The following DCC variants were observed in gnomAD, a reference collection of about 807,000 sequenced individuals.
The protein encoded by DCC is netrin receptor DCC.
Under a neutral mutation model 172.5 loss-of-function variants are expected in DCC, and 58 were observed. The ratio of observed to expected loss-of-function variants is 0.34; its 90% confidence interval spans 0.27 to 0.42. The LOEUF is 0.42. DCC is among the 10% of genes least tolerant of loss of function. DCC has a pLI of 1.00. For synonymous variants in DCC, 709 were observed against 644.5 expected (o/e 1.10, Z -1.52); for missense variants, 1,740 against 1,791.0 (o/e 0.97, Z 0.51).
At chr18:52,393,901 G>T (rs558787981) in intron 1 of DCC, among the ~76,000 whole-genome samples, 9 of 152,094 alleles carry the variant, frequency 5.9e-5, no homozygotes, top group African/African-American at 1.9e-4. Flanking sequence ...TCAGATTCAG[G>T]TTCCATGATT....
chr18:53,305,868 A>G, intron 13 of DCC, 149 bp downstream of exon 13: 4 of 749,474 alleles, frequency 5.3e-6, no homozygotes, highest in South Asian at 3.2e-5. Flanking sequence ...CAACCTTTAT[A>G]TTTTTAACTT....
chr18:53,035,180 G>GTT (rs538487527), intron 5 of DCC, among the ~76,000 whole-genome samples: 5 of 151,896 alleles, frequency 3.3e-5, no homozygotes, highest in African/African-American at 9.7e-5. Flanking sequence ...GTGTGTGTGT[G>GTT]TGTGAATTTT....
At chr18:53,438,489 A>G (rs757651056) in intron 22 of DCC, among the ~76,000 whole-genome samples, 1 of 152,232 alleles carries the variant, frequency 6.6e-6, no homozygotes, top group Non-Finnish European at 1.5e-5. Context: ...AAGAAAAATT[A>G]TAAAAGGGAT....
intron 5 of DCC, among the ~76,000 whole-genome samples, chr18:52,935,769 A>T (rs900357653): frequency 6.6e-6 from 1 of 152,090 alleles, no homozygotes; most frequent in Admixed American, 6.6e-5. Flanking sequence ...TCTTTGCCAT[A>T]AATGGGAAGT....
intron 2 of DCC, among the ~76,000 whole-genome samples, chr18:52,775,910 C>T (rs9957066): frequency 0.087 from 13,255 of 152,186 alleles, 665 homozygotes; most frequent in South Asian, 0.18. Context: ...TTTCTCTACC[C>T]GGCACTTCCC....
At chr18:52,433,911 A>G (rs143827871) in intron 1 of DCC, among the ~76,000 whole-genome samples, 145 of 152,304 alleles carry the variant, frequency 9.5e-4, no homozygotes, top group African/African-American at 3.3e-3. Context: ...TATAGACCAT[A>G]AGAGTTGAAC....
chr18:52,394,749 A>T (rs1301340145), intron 1 of DCC, among the ~76,000 whole-genome samples: 1 of 152,080 alleles, frequency 6.6e-6, no homozygotes, highest in East Asian at 1.9e-4. Context: ...GTTTGCCAGT[A>T]AACTCTGGTT....
chr18:52,574,537 C>T (rs1258173532), intron 1 of DCC, among the ~76,000 whole-genome samples: 1 of 152,110 alleles, frequency 6.6e-6, no homozygotes, highest in African/African-American at 2.4e-5. Flanking sequence ...ATGTAGAAAA[C>T]TCCAGAATTT....
intron 9 of DCC, among the ~76,000 whole-genome samples, chr18:53,181,041 A>T (rs72921499): frequency 0.093 from 14,220 of 152,238 alleles, 860 homozygotes; most frequent in African/African-American, 0.16. Context: ...TATAATACAC[A>T]CACACTATAT....
chr18:53,320,083 T>C lies in DCC; in HGVS notation c.2054-1964T>C, dbSNP rs892741970. On this transcript the variant is annotated intron_variant, in intron 13 of 28. Transcript: ENST00000442544. The stretch of plus-strand genomic sequence containing the variant: ...AACGCAAGAGTACTTTTTTTTTTTT[T>C]TTTTTTTGAGATGGAGTCTCACTCT... 2.9e-4 allele frequency among the ~76,000 whole-genome samples: 43 copies of C among 149,266 alleles called. No individual in the cohort carries two copies. The East Asian group carries it at 4.7e-3, about 16-fold the overall frequency.
chr18:53,494,513 C>G (rs1470041743), intron 26 of DCC, among the ~76,000 whole-genome samples: 1 of 152,186 alleles, frequency 6.6e-6, no homozygotes, highest in Non-Finnish European at 1.5e-5. Flanking sequence ...GGTGCATATA[C>G]ATTTAGGATA....
intron 5 of DCC, among the ~76,000 whole-genome samples, chr18:53,001,765 T>G (rs1225104021): frequency 6.6e-6 from 1 of 152,074 alleles, no homozygotes; most frequent in East Asian, 1.9e-4. Context: ...TAATCTTAAT[T>G]TTTCTTTGGT....
At chr18:53,374,490 T>TA in intron 15 of DCC, among the ~76,000 whole-genome samples, 1 of 152,194 alleles carries the variant, frequency 6.6e-6, no homozygotes, top group Non-Finnish European at 1.5e-5. Context: ...GGTTAGCATT[T>TA]AGGTAACAAA....
chr18:52,480,794 G>A (rs774532072), intron 1 of DCC, among the ~76,000 whole-genome samples: 1 of 152,002 alleles, frequency 6.6e-6, no homozygotes, highest in Non-Finnish European at 1.5e-5. Context: ...TTTCTTCCCT[G>A]TCATCCAAAT....
chr18:53,289,873 C>G (rs927966749), intron 12 of DCC, among the ~76,000 whole-genome samples: 6 of 152,004 alleles, frequency 3.9e-5, no homozygotes, highest in African/African-American at 1.5e-4. Flanking sequence ...TAGGAGAAAA[C>G]TACTTCAAAA....
chr18:53,204,238 T>C (rs1237701526), intron 9 of DCC, among the ~76,000 whole-genome samples: 1 of 151,234 alleles, frequency 6.6e-6, no homozygotes, highest in African/African-American at 2.4e-5. Flanking sequence ...AATCTGAAAG[T>C]TTCAAAATCT....
chr18:53,506,533 C>T (rs1355502282), intron 27 of DCC, among the ~76,000 whole-genome samples: 1 of 151,994 alleles, frequency 6.6e-6, no homozygotes, highest in African/African-American at 2.4e-5. Context: ...GCAGTGGCCT[C>T]CATAAAGAAG....
At chr18:52,815,756 T>A (rs945410789) in intron 2 of DCC, among the ~76,000 whole-genome samples, 11 of 152,228 alleles carry the variant, frequency 7.2e-5, no homozygotes, top group African/African-American at 2.7e-4. Context: ...TAAGTAATAA[T>A]GATTTATTAG....
At chr18:53,045,289 G>A (rs770912105) in intron 5 of DCC, among the ~76,000 whole-genome samples, 1 of 151,834 alleles carries the variant, frequency 6.6e-6, no homozygotes, top group Admixed American at 6.6e-5. Context: ...AAGCATAAGA[G>A]GATTTCAGTC....
Sources: gnomAD v4.1 joint callset for allele counts (sites outside exome capture counted in the v4.1 genomes callset) on GRCh38, gnomAD v4.1.1 for gene constraint, MANE v1.5 for transcripts, NCBI Gene and HGNC (gene_info 2026-07-23, HGNC 2026-07-21) for gene names.